The following LNPEP variants were observed in gnomAD, a reference collection of about 807,000 sequenced individuals.
LNPEP encodes the protein leucyl-cystinyl aminopeptidase.
LNPEP carries 64 observed loss-of-function variants against 120.6 expected under a neutral mutation model. The observed-to-expected ratio is 0.53, with a 90% CI of 0.43 to 0.65. The LOEUF (loss-of-function observed/expected upper bound fraction) is 0.65, where lower values mean the gene tolerates loss of function less well. LNPEP is among the 30% of genes least tolerant of loss of function. LNPEP has a pLI of 0.00. For missense variants in LNPEP, 1,057 were observed against 1,200.0 expected (o/e 0.88, Z 1.76); for synonymous variants, 435 against 425.4 (o/e 1.02, Z -0.28).
intron 3 of LNPEP, 108 bp from the exon 4 acceptor site, chr5:96,986,431 T>C: frequency 9.3e-7 from 1 of 1,077,746 alleles, no homozygotes; most frequent in Non-Finnish European, 1.4e-6. Context: ...TATAATATGC[T>C]AGCATCTTTA....
At chr5:96,990,944 G>A (rs1321169206) in intron 4 of LNPEP, among the ~76,000 whole-genome samples, 1 of 152,116 alleles carries the variant, frequency 6.6e-6, no homozygotes, top group Admixed American at 6.5e-5. Flanking sequence ...TGGGGAACAG[G>A]TGGTGTTCGG....
chr5:97,027,541 T>C (rs975533553), intron 16 of LNPEP, among the ~76,000 whole-genome samples, 192 bp from the exon 17 acceptor site: 2 of 152,192 alleles, frequency 1.3e-5, no homozygotes, highest in Non-Finnish European at 2.9e-5. Flanking sequence ...TTCTGAACTC[T>C]TCCCTTTTTC....
intron 3 of LNPEP, 52 bp from the exon 4 acceptor site, chr5:96,986,487 A>G: frequency 6.5e-7 from 1 of 1,544,996 alleles, no homozygotes; most frequent in Non-Finnish European, 8.8e-7. Flanking sequence ...TTTGTTTGTT[A>G]TTGCCATTTA....
intron 1 of LNPEP, among the ~76,000 whole-genome samples, chr5:96,944,560 C>CTTTTTT (rs60017687): frequency 2.0e-4 from 11 of 56,350 alleles, no homozygotes; most frequent in East Asian, 1.2e-3. Flanking sequence ...CTTATTTTTG[C>CTTTTTT]TTTTTTTTTT....
chr5:96,993,240 C>A, intron 5 of LNPEP, 105 bp downstream of exon 5: 1 of 750,718 alleles, frequency 1.3e-6, no homozygotes, highest in Admixed American at 3.2e-5. Context: ...GCAGAGAAAA[C>A]CAAAAACCAT....
chr5:96,957,712 A>G (rs895677997), intron 1 of LNPEP, among the ~76,000 whole-genome samples: 1 of 152,218 alleles, frequency 6.6e-6, no homozygotes, highest in Non-Finnish European at 1.5e-5. Context: ...TTCCAGAAGG[A>G]ATACAGCACT....
chr5:97,006,279 G>T (rs189871941), intron 10 of LNPEP, 46 bp downstream of exon 10: 369 of 1,505,228 alleles, frequency 2.5e-4, no homozygotes, highest in Non-Finnish European at 3.1e-4. Flanking sequence ...GCACTCTCAG[G>T]TGGAAATATT....
intron 1 of LNPEP, 143 bp from the exon 2 acceptor site, chr5:96,978,995 C>T: frequency 1.2e-6 from 1 of 820,686 alleles, no homozygotes; most frequent in South Asian, 2.0e-5. Context: ...TTATTTAATT[C>T]AGTAGCTCTG....
intron 1 of LNPEP, chr5:96,937,369 GT>G (rs965035564): frequency 1.3e-5 from 2 of 152,098 alleles, no homozygotes; most frequent in African/African-American, 4.8e-5. Flanking sequence ...CCATCTTTCT[GT>G]CTGCACTGTT....
chr5:96,966,436 G>A (rs1368841737), intron 1 of LNPEP, among the ~76,000 whole-genome samples: 1 of 151,836 alleles, frequency 6.6e-6, no homozygotes, highest in Non-Finnish European at 1.5e-5. Context: ...GGAGTTTGAA[G>A]TTGCAGTGAG....
At chr5:97,017,214 T>C (rs1791087707) in intron 13 of LNPEP, among the ~76,000 whole-genome samples, 2 of 152,156 alleles carry the variant, frequency 1.3e-5, no homozygotes, top group Non-Finnish European at 2.9e-5. Context: ...GACTTGAATT[T>C]ACATTTTTCT....
At chr5:96,994,442 C>G (rs1338239119) in intron 6 of LNPEP, among the ~76,000 whole-genome samples, 1 of 150,558 alleles carries the variant, frequency 6.6e-6, no homozygotes, top group Non-Finnish European at 1.5e-5. Context: ...TCTGACAACT[C>G]AAACTGTAGC....
chr5:96,970,409 T>C (rs1789832400), intron 1 of LNPEP, among the ~76,000 whole-genome samples: 1 of 152,048 alleles, frequency 6.6e-6, no homozygotes, highest in Non-Finnish European at 1.5e-5. Flanking sequence ...TCTTTGTTAA[T>C]CTATTTGTGT....
intron 1 of LNPEP, among the ~76,000 whole-genome samples, chr5:96,974,897 CCTT>C (rs908262476): frequency 1.3e-5 from 2 of 152,092 alleles, no homozygotes; most frequent in African/African-American, 2.4e-5. Context: ...CCTTTGCTGA[CCTT>C]CTTCCTCTGG....
At chr5:96,949,283 G>T (rs1211970534) in intron 1 of LNPEP, among the ~76,000 whole-genome samples, 2 of 152,268 alleles carry the variant, frequency 1.3e-5, no homozygotes, top group African/African-American at 4.8e-5. Context: ...GAGGTGAGCA[G>T]TGGGCAAGTG....
chr5:97,000,341 A>G (rs1314483967), intron 8 of LNPEP, among the ~76,000 whole-genome samples: 1 of 152,194 alleles, frequency 6.6e-6, no homozygotes, highest in Non-Finnish European at 1.5e-5. Context: ...TGTGTGCAGA[A>G]AAGAATTAAT....
intron 15 of LNPEP, among the ~76,000 whole-genome samples, chr5:97,025,804 C>G (rs143619191): frequency 0.042 from 5,720 of 135,226 alleles, 186 homozygotes; most frequent in Middle Eastern, 0.13. Flanking sequence ...CTTCATGAAG[C>G]CTGCTTTATA....
In LNPEP at chr5:97,003,509, C is replaced by G. The variant is rs1790704990; in HGVS notation, c.1748C>G (p.Ser583Cys). ...VLYLHNHSYA[S>C]IQSDDLWDSF... ...TACCTGCATAATCACAGCTATGCAT[C>G]TATTCAAAGTGATGATCTGTGGGAT... The change falls in exon 9 of 18, where the codon TCT (serine) becomes TGT (cysteine). Residue 583 changes from serine (S) to cysteine (C), a missense_variant. By Grantham distance (112) the Ser-to-Cys change is moderately radical (BLOSUM62 -1). Coordinates refer to ENST00000231368, the MANE Select transcript of LNPEP (RefSeq NM_005575.3). The G allele has an allele frequency of 6.2e-7, 1 of 1,604,938 alleles. No homozygotes were observed. The highest frequency in any genetic ancestry group is 1.3e-5 in the African/African-American group (1 of 74,558).
Position 97,034,173 on chromosome 5 carries a change from A to G in LNPEP, c.*5640A>G, listed in dbSNP as rs1352855158. The G allele has an allele frequency of 6.6e-6, 1 of 151,602 alleles. No individual in the cohort carries two copies. Among genetic ancestry groups the G allele is most frequent in the South Asian group, 2.1e-4 (1 of 4,804 alleles). 9.4% of individuals were successfully genotyped at this position (151,602 alleles called of 1,614,324 possible). A position where few individuals can be genotyped will look rare whatever the true frequency, so the allele number is the denominator to read the frequency against. On this transcript the variant is annotated 3_prime_UTR_variant, in exon 18 of 18. Coordinates refer to ENST00000231368, the MANE Select transcript of LNPEP (RefSeq NM_005575.3). ...GTAGTATAGATGGTTTTTCTTTTTT[A>G]TCCATCTGCCTATCTCCAGGAGGAT... is the stretch of plus-strand genomic sequence containing the variant.
Sources: gnomAD v4.1 joint callset for allele counts (sites outside exome capture counted in the v4.1 genomes callset) on GRCh38, gnomAD v4.1.1 for gene constraint, MANE v1.5 for transcripts, NCBI Gene and HGNC (gene_info 2026-07-23, HGNC 2026-07-21) for gene names.